USP36: variants seen among roughly 807,000 people sequenced by gnomAD.
USP36 encodes the protein ubiquitin carboxyl-terminal hydrolase 36.
Under a neutral mutation model 111.5 loss-of-function variants are expected in USP36, and 59 were observed. That is an observed-to-expected ratio of 0.53 (90% CI 0.43 to 0.66). The LOEUF is 0.66. Ranked by LOEUF, USP36 falls within the 30% of genes least tolerant of loss-of-function variation. The pLI, the probability that USP36 is intolerant of heterozygous loss-of-function variation, is 0.00. For missense variants in USP36, 1,488 were observed against 1,468.0 expected (o/e 1.01, Z -0.22); for synonymous variants, 628 against 581.0 (o/e 1.08, Z -1.16).
intron 1 of USP36, among the ~76,000 whole-genome samples, chr17:78,839,497 T>C (rs573662280): frequency 6.6e-6 from 1 of 152,190 alleles, no homozygotes; most frequent in African/African-American, 2.4e-5. Context: ...CTGCTTTCGG[T>C]TAGGACTCAC....
chr17:78,814,606 C>G, intron 10 of USP36, 54 bp from the exon 11 acceptor site: 1 of 1,585,610 alleles, frequency 6.3e-7, no homozygotes, highest in Non-Finnish European at 8.6e-7. Flanking sequence ...GAGTAAAGAT[C>G]AATTTGCCCT....
intron 6 of USP36, among the ~76,000 whole-genome samples, chr17:78,825,355 C>G (rs1410057768): frequency 6.6e-6 from 1 of 152,192 alleles, no homozygotes; most frequent in African/African-American, 2.4e-5. Context: ...GCCCCTCCAC[C>G]TGCAAATTAA....
chr17:78,835,723 G>A (rs2068600988), intron 3 of USP36, among the ~76,000 whole-genome samples: 2 of 152,130 alleles, frequency 1.3e-5, no homozygotes, highest in African/African-American at 4.8e-5. Context: ...AGAATTCAAG[G>A]GCCCCTCTAT....
At position 78,836,191 on chromosome 17, in the gene USP36, C is replaced by T. The variant is rs761447025; in HGVS notation, c.173G>A (p.Ser58Asn). 2 of 1,614,144 alleles carry T rather than the reference C, an allele frequency of 1.2e-6. No homozygotes were observed. Among genetic ancestry groups the T allele is most frequent in the South Asian group, 1.1e-5 (1 of 91,082 alleles). ...SFSYQLEALK[S>N]KYVLLNPKTE... ...TTTGGGGTTGAGCAACACATATTTG[C>T]TCTTTAAGGCCTCCAGCTGGTAGGA... is the stretch of plus-strand genomic sequence containing the variant. The change falls in exon 3 of 21, where the codon AGC (serine) becomes AAC (asparagine). Residue 58 changes from serine to asparagine, a missense_variant. By Grantham distance (46) the Ser-to-Asn change is conservative. This residue lies in a region of USP36 where 219 missense variants were observed against 209.5 expected (regional missense o/e 1.05). Transcript: ENST00000449938.
chr17:78,839,847 G>A (rs756363171), intron 1 of USP36, among the ~76,000 whole-genome samples: 1 of 152,194 alleles, frequency 6.6e-6, no homozygotes, highest in African/African-American at 2.4e-5. Flanking sequence ...ACTCAGGAAG[G>A]ATGCTCTCTC....
downstream of USP36, among the ~76,000 whole-genome samples, chr17:78,791,486 T>C (rs1425020397): frequency 6.6e-6 from 1 of 152,194 alleles, no homozygotes; most frequent in African/African-American, 2.4e-5. Context: ...TTAATCCCTT[T>C]AAAGCAGCAA....
In USP36 at chr17:78,798,585, A is replaced by G. The variant is rs2093669048; in HGVS notation, c.3241-34T>C. The G allele has an allele frequency of 2.5e-6, 4 of 1,608,548 alleles. No homozygotes were observed. Among genetic ancestry groups the G allele is most frequent in the African/African-American group, 1.3e-5 (1 of 74,762 alleles). ...AGAATCACAGGCATCACAGTTCCCA[A>G]AAACGGCTCTTTCCTGGCCCACGGG... On this transcript the variant is annotated intron_variant, in intron 19 of 20. Coordinates refer to ENST00000449938, the MANE Select transcript of USP36 (RefSeq NM_001385174.1). This position sits in a 1 kb window ranked among gnomAD's most constrained non-coding sequence, Gnocchi z 5.1.
chr17:78,828,306 A>G (rs2067763811), intron 5 of USP36, among the ~76,000 whole-genome samples: 1 of 152,238 alleles, frequency 6.6e-6, no homozygotes. Context: ...CAATTTACAC[A>G]GATTTCAAAA....
At chr17:78,812,697 G>GAAAAAAAAAAAAAAAAAAAAA (rs572009070) in intron 13 of USP36, among the ~76,000 whole-genome samples, 163 bp downstream of exon 13, 1 of 52,648 alleles carries the variant, frequency 1.9e-5, no homozygotes, top group Non-Finnish European at 4.1e-5. Context: ...ACTCTGTCTC[G>GAAAAAAAAAAAAAAAAAAAAA]AAAAAAAAAA....
rs1434680323 is a variant in USP36, at chr17:78,820,021, G to A, written c.829-9C>T. 6.2e-7 allele frequency: 1 copy of A among 1,613,136 alleles called. No individual in the cohort carries two copies. The highest frequency in any genetic ancestry group is 1.7e-5 in the Admixed American group (1 of 59,784). On this transcript the variant is annotated splice_polypyrimidine_tract_variant and intron_variant, in intron 8 of 20. Transcript: ENST00000449938. ...ACAATATTCGCAGCTTGCTGAGGAGGACAAAAACAGGGAGTAAAATACACA... is the reference window on the plus strand; with the variant it reads ...ACAATATTCGCAGCTTGCTGAGGAGAACAAAAACAGGGAGTAAAATACACA...
At chr17:78,832,513 G>A (rs2068239025) in intron 4 of USP36, among the ~76,000 whole-genome samples, 1 of 152,244 alleles carries the variant, frequency 6.6e-6, no homozygotes, top group South Asian at 2.1e-4. Context: ...TTGAAGGGAT[G>A]GCCATGGCTG....
At position 78,818,624 on chromosome 17, in the gene USP36, T is replaced by G. The variant is rs1249370627; in HGVS notation, c.1023+43A>C. The G allele has an allele frequency of 1.3e-5, 20 of 1,560,268 alleles. No individual in the cohort carries two copies. The African/African-American group carries it at 2.4e-4, about 19-fold the overall frequency. ...TTCTTCGTGTTATTCTGATGCCGAC[T>G]GTGGCCCACGGAGCTGCCTGGGATG... is the stretch of plus-strand genomic sequence containing the variant. On this transcript the variant is annotated intron_variant, in intron 10 of 20. Transcript: ENST00000449938.
At chr17:78,802,893 T>C (rs1397698751) in intron 16 of USP36, among the ~76,000 whole-genome samples, 1 of 152,148 alleles carries the variant, frequency 6.6e-6, no homozygotes, top group Non-Finnish European at 1.5e-5. Context: ...TCCACACCAC[T>C]GTCGCTTCAA....
chr17:78,831,088 T>C (rs2068043110), intron 4 of USP36, among the ~76,000 whole-genome samples: 1 of 151,276 alleles, frequency 6.6e-6, no homozygotes, highest in African/African-American at 2.4e-5. Flanking sequence ...TAGCCAGGCA[T>C]GGTGGCACGT....
At chr17:78,789,146 G>A (rs1196841306) in intron 3 of USP36, among the ~76,000 whole-genome samples, 5 of 142,156 alleles carry the variant, frequency 3.5e-5, no homozygotes, top group Non-Finnish European at 7.5e-5. Context: ...GCAGTGAGTC[G>A]AGATTGCGCC....
chr17:78,829,710 T>C (rs2067905966), intron 4 of USP36, among the ~76,000 whole-genome samples: 1 of 152,180 alleles, frequency 6.6e-6, no homozygotes, highest in Non-Finnish European at 1.5e-5. Flanking sequence ...ACCCCTGCGC[T>C]ACATAAAACG....
intron 2 of USP36, among the ~76,000 whole-genome samples, chr17:78,837,543 C>G (rs775520129): frequency 6.6e-6 from 1 of 152,082 alleles, no homozygotes; most frequent in African/African-American, 2.4e-5. Context: ...AACAGAGGAT[C>G]GATACTGTTG....
At chr17:78,809,754 C>T (rs188004316) in intron 13 of USP36, among the ~76,000 whole-genome samples, 2,109 of 152,232 alleles carry the variant, frequency 0.014, 62 homozygotes, top group Admixed American at 0.069. Context: ...CTCCAAACAG[C>T]TGGGACAACA....
chr17:78,830,365 A>G lies in USP36; in HGVS notation c.476-1358T>C, dbSNP rs60805629. Among the ~76,000 whole-genome samples, 909 of 152,334 alleles carry G rather than the reference A, an allele frequency of 6.0e-3. 32 individuals are homozygous for G. The East Asian group carries it at 0.11, about 18-fold the overall frequency. On this transcript the variant is annotated intron_variant, in intron 4 of 20. Coordinates refer to ENST00000449938, the MANE Select transcript of USP36 (RefSeq NM_001385174.1). ...TTCCTTCAAATCTTCCAGCTAGAATATTTCACTGAATGAAGAGACCACTGT... is the reference window on the plus strand; with the variant it reads ...TTCCTTCAAATCTTCCAGCTAGAATGTTTCACTGAATGAAGAGACCACTGT...
Sources: allele counts gnomAD v4.1 joint callset (sites outside exome capture counted in the v4.1 genomes callset), GRCh38; gene constraint gnomAD v4.1.1; regional missense constraint gnomAD v4.1.1; non-coding constraint Gnocchi (gnomAD v3.1); transcripts MANE v1.5; gene names NCBI Gene and HGNC (gene_info 2026-07-23, HGNC 2026-07-21).